ADCY1: variants seen among roughly 807,000 people sequenced by gnomAD.
ADCY1 encodes adenylate cyclase 1.
ADCY1 carries 28 observed loss-of-function variants against 105.4 expected under a neutral mutation model. The observed-to-expected ratio is 0.27, with a 90% confidence interval of 0.20 to 0.36. The LOEUF (loss-of-function observed/expected upper bound fraction) is 0.36, where lower values mean the gene tolerates loss of function less well. Among genes scored for constraint, ADCY1 ranks in the 10% least tolerant of loss-of-function variants. The pLI is 1.00. For missense variants in ADCY1, 977 were observed against 1,434.2 expected, an observed-to-expected ratio of 0.68 and a Z score of 5.15; for synonymous variants, 655 against 623.8, an observed-to-expected ratio of 1.05 and a Z score of -0.75.
intron 14 of ADCY1, among the ~76,000 whole-genome samples, chr7:45,694,085 T>G (rs1379223160): frequency 8.6e-6 from 1 of 116,208 alleles, no homozygotes; most frequent in Admixed American, 1.0e-4. Flanking sequence ...CTGCACAATG[T>G]GCACATGTAC....
rs186094397 is a variant in ADCY1, at chr7:45,696,945, A to G, written c.2455-6431A>G. Among the ~76,000 whole-genome samples the G allele has an allele frequency of 2.7e-3, 406 of 152,266 alleles. 6 individuals are homozygous for G. Among genetic ancestry groups the G allele is most frequent in the East Asian group, 7.9e-3 (41 of 5,184 alleles). ...GTTGTTTGCTCCTCAGAAAGGAGTA[A>G]TTTATTCTAATTAAGGGGCTGAAGA... On this transcript the variant is annotated intron_variant, in intron 14 of 19. Transcript: ENST00000297323.
chr7:45,610,890 G>GTGGAGGTGGGGAGGTGA (rs1793554424), intron 3 of ADCY1, among the ~76,000 whole-genome samples: 1 of 1,684 alleles, frequency 5.9e-4, no homozygotes. Context: ...GAAGGTGATG[G>GTGGAGGTGGGGAGGTGA]TGGAGGTGGG....
At chr7:45,638,502 T>C (rs1350896009) in intron 4 of ADCY1, among the ~76,000 whole-genome samples, 3 of 150,940 alleles carry the variant, frequency 2.0e-5, no homozygotes, top group African/African-American at 7.3e-5. Context: ...TTTTTTTGTA[T>C]TACTTGTTTG....
intron 14 of ADCY1, among the ~76,000 whole-genome samples, chr7:45,692,162 A>G (rs769218146): frequency 6.6e-6 from 1 of 152,206 alleles, no homozygotes; most frequent in Non-Finnish European, 1.5e-5. Context: ...GCGTAACCTC[A>G]GGACCCCACA....
chr7:45,697,547 C>T (rs190147450), intron 14 of ADCY1, among the ~76,000 whole-genome samples: 292 of 152,266 alleles, frequency 1.9e-3, no homozygotes, highest in South Asian at 4.1e-3. Flanking sequence ...TGCGCCACCA[C>T]GCCCGGCTAA....
intron 14 of ADCY1, among the ~76,000 whole-genome samples, chr7:45,692,410 C>A (rs1784801392): frequency 6.6e-6 from 1 of 152,166 alleles, no homozygotes; most frequent in Non-Finnish European, 1.5e-5. Flanking sequence ...AAACACAAGC[C>A]ACAGAAAATT....
intron 3 of ADCY1, among the ~76,000 whole-genome samples, chr7:45,612,320 C>T (rs1793615050): frequency 6.6e-6 from 1 of 152,152 alleles, no homozygotes; most frequent in South Asian, 2.1e-4. Context: ...GCATTGTCAC[C>T]TCCATTTTAT....
intron 14 of ADCY1, among the ~76,000 whole-genome samples, chr7:45,701,337 G>A (rs1309410001): frequency 1.3e-5 from 2 of 152,282 alleles, no homozygotes; most frequent in East Asian, 3.9e-4. Context: ...AGAGATATAT[G>A]ATGATTTGGG....
intron 2 of ADCY1, among the ~76,000 whole-genome samples, chr7:45,594,065 G>C (rs983779904): frequency 1.3e-5 from 2 of 152,200 alleles, no homozygotes; most frequent in African/African-American, 4.8e-5. Flanking sequence ...GCCTGTGCTC[G>C]TGTGTATGTG....
At chr7:45,659,385 A>T (rs1795029311) in intron 6 of ADCY1, among the ~76,000 whole-genome samples, 1 of 152,106 alleles carries the variant, frequency 6.6e-6, no homozygotes, top group Non-Finnish European at 1.5e-5. Flanking sequence ...GAAGGTGGGG[A>T]GTTTGCTTCT....
intron 4 of ADCY1, among the ~76,000 whole-genome samples, chr7:45,642,391 T>A (rs1794550304): frequency 6.6e-6 from 1 of 152,154 alleles, no homozygotes; most frequent in African/African-American, 2.4e-5. Context: ...GGGGATGGAC[T>A]GGGGATGGGT....
chr7:45,579,517 A>G lies in ADCY1; in HGVS notation c.639+4335A>G, dbSNP rs182576149. Among the ~76,000 whole-genome samples, 206 of 151,596 alleles carry G rather than the reference A, an allele frequency of 1.4e-3. 3 individuals carry two copies. Among genetic ancestry groups the G allele is most frequent in the Admixed American group, 2.2e-3 (34 of 15,234 alleles). ...CACTTCCCCTCCCACTGGCCCGCTT[A>G]TCTTCGTGGCCTGCAGCCTGGTCCT... On this transcript the variant is annotated intron_variant, in intron 1 of 19. Transcript: ENST00000297323.
chr7:45,710,745 C>A lies in ADCY1; in HGVS notation c.3057+93C>A. On this transcript the variant is annotated intron_variant, in intron 19 of 19. Coordinates refer to ENST00000297323, the MANE Select transcript of ADCY1 (RefSeq NM_021116.4). This position sits in a 1 kb window ranked among gnomAD's most constrained non-coding sequence, Gnocchi z 4.7. Reference sequence around the variant, plus strand: ...GGGCCAGAATTGAATCCCCAGTCTACAGCCCGTAAGTGGCAGGGCAGAAAG... The same window carrying A: ...GGGCCAGAATTGAATCCCCAGTCTAAAGCCCGTAAGTGGCAGGGCAGAAAG... 6.8e-7 allele frequency: 1 copy of A among 1,475,022 alleles called. No homozygotes were observed. The highest frequency in any genetic ancestry group is 1.4e-5 in the South Asian group (1 of 72,856). The allele number at this position is 1,475,022 out of a possible 1,614,324, so 91.4% of individuals were successfully genotyped here. A position where few individuals can be genotyped will look rare whatever the true frequency, so the allele number is the denominator to read the frequency against.
At chr7:45,642,945 A>T (rs1336653896) in intron 4 of ADCY1, among the ~76,000 whole-genome samples, 3 of 152,166 alleles carry the variant, frequency 2.0e-5, no homozygotes, top group African/African-American at 7.2e-5. Context: ...TAAATGTTCA[A>T]TTCTTTTTAC....
At chr7:45,664,285 G>A (rs896882644) in intron 8 of ADCY1, 1 of 1,536,136 alleles carries the variant, frequency 6.5e-7, no homozygotes, top group Non-Finnish European at 8.7e-7. Context: ...TGCCTCTCCT[G>A]TAGGTTCAGA....
chr7:45,653,825 C>T (rs1199952360), intron 5 of ADCY1, among the ~76,000 whole-genome samples: 1 of 152,210 alleles, frequency 6.6e-6, no homozygotes, highest in Non-Finnish European at 1.5e-5. Context: ...TAGGAAGTTG[C>T]TCCTAGTCAG....
chr7:45,574,491 C>CCCG lies in ADCY1; in HGVS notation c.-51_-50insGCC, dbSNP rs1792256493. ...CGGCGCCGCCGCCCGCGCCCCGGCG[C>CCCG]CCCGGGCCGGCGAGGGGCGCGCCCG... On this transcript the variant is annotated 5_prime_UTR_variant, in exon 1 of 20. Transcript: ENST00000297323. The surrounding 1 kb of genome is among the most constrained non-coding windows in gnomAD (Gnocchi z 7.0). The CCCG allele has an allele frequency of 1.2e-6, 1 of 857,370 alleles. No homozygotes were observed. The highest frequency in any genetic ancestry group is 1.9e-5 in the African/African-American group (1 of 53,678). 53.1% of individuals were successfully genotyped at this position (857,370 alleles called of 1,614,324 possible).
intron 1 of ADCY1, 105 bp from the exon 2 acceptor site, chr7:45,592,654 G>A (rs1401105285): frequency 2.3e-5 from 35 of 1,505,272 alleles, no homozygotes; most frequent in South Asian, 5.0e-5. Flanking sequence ...TGGCCCGGGC[G>A]GCGTGGCTTT....
intron 3 of ADCY1, among the ~76,000 whole-genome samples, chr7:45,610,749 GATGGAGGTGTAGAGGTGATA>G (rs1422163887): frequency 6.9e-4 from 87 of 125,940 alleles, no homozygotes; most frequent in Non-Finnish European, 7.7e-4. Context: ...GGGAGGTGAT[GATGGAGGTGTAGAGGTGATA>G]GTGGAGGTGT....
Sources: allele counts gnomAD v4.1 joint callset (sites outside exome capture counted in the v4.1 genomes callset), GRCh38; gene constraint gnomAD v4.1.1; non-coding constraint Gnocchi (gnomAD v3.1); transcripts MANE v1.5; gene names NCBI Gene and HGNC (gene_info 2026-07-23, HGNC 2026-07-21).